Variants in SLC44A5 observed in about 807,000 individuals in gnomAD.
SLC44A5 encodes the protein choline transporter-like protein 5.
In SLC44A5, 57 loss-of-function variants were observed where a neutral mutation model predicts 101.8. The observed-to-expected ratio is 0.56, with a 90% CI of 0.45 to 0.70. The LOEUF is 0.70. Among genes scored for constraint, SLC44A5 ranks in the 30% least tolerant of loss-of-function variants. The pLI is 0.00. For missense variants in SLC44A5, 737 were observed against 853.1 expected (o/e 0.86, Z 1.70); for synonymous variants, 281 against 290.9 (o/e 0.97, Z 0.35).
At chr1:75,494,051 C>T (rs949044349) in intron 2 of SLC44A5, among the ~76,000 whole-genome samples, 2 of 152,190 alleles carry the variant, frequency 1.3e-5, no homozygotes, top group African/African-American at 4.8e-5. Flanking sequence ...CCAAAACTCA[C>T]ATTGAAATTA....
chr1:75,350,236 G>A (rs1376886876), intron 3 of SLC44A5, among the ~76,000 whole-genome samples: 2 of 151,752 alleles, frequency 1.3e-5, no homozygotes, highest in African/African-American at 4.9e-5. Flanking sequence ...CCTTTGCCGT[G>A]TGAGGACACA....
intron 3 of SLC44A5, among the ~76,000 whole-genome samples, chr1:75,355,920 A>G (rs1659030109): frequency 6.6e-6 from 1 of 152,062 alleles, no homozygotes; most frequent in Non-Finnish European, 1.5e-5. Context: ...TTCAAGAGGT[A>G]TTCTGGGCCT....
At chr1:75,338,945 C>T (rs1657657958) in intron 4 of SLC44A5, among the ~76,000 whole-genome samples, 1 of 152,064 alleles carries the variant, frequency 6.6e-6, no homozygotes, top group African/African-American at 2.4e-5. Context: ...CCTCACAATC[C>T]CCTTTGTTAT....
intron 2 of SLC44A5, among the ~76,000 whole-genome samples, chr1:75,427,223 C>A (rs1286279613): frequency 2.0e-5 from 3 of 152,188 alleles, no homozygotes; most frequent in Non-Finnish European, 4.4e-5. Context: ...TATTTCTCAT[C>A]ATTAAAAGTT....
chr1:75,302,080 C>T (rs1048655715), intron 4 of SLC44A5, among the ~76,000 whole-genome samples: 31 of 121,848 alleles, frequency 2.5e-4, no homozygotes, highest in African/African-American at 8.8e-4. Flanking sequence ...AGAATAATAA[C>T]AAGAGAAGAA....
chr1:75,692,062 T>C, the SLC44A5 span, among the ~76,000 whole-genome samples: 45 of 152,006 alleles, frequency 3.0e-4, 1 homozygote, highest in Non-Finnish European at 8.8e-5. Flanking sequence ...CAGTGTTGAA[T>C]GCCAGTGAAG....
At chr1:75,428,369 A>T (rs111700483) in intron 2 of SLC44A5, among the ~76,000 whole-genome samples, 1 of 152,210 alleles carries the variant, frequency 6.6e-6, no homozygotes, top group African/African-American at 2.4e-5. Context: ...CATCCTGCTT[A>T]CTGCCTCTGT....
chr1:75,666,116 C>T, the SLC44A5 span, among the ~76,000 whole-genome samples: 11 of 152,156 alleles, frequency 7.2e-5, no homozygotes, highest in Non-Finnish European at 1.5e-4. Flanking sequence ...AATCCCATTA[C>T]TTGGTATATA....
chr1:75,202,747 T>TAGA lies in SLC44A5; in HGVS notation c.*977_*979dup, dbSNP rs1646684283. On this transcript the variant is annotated 3_prime_UTR_variant, in exon 24 of 24. Transcript: ENST00000370859. ...GAGTAAAGTTTCCCTTTGCAATTCC[T>TAGA]AGAAGTTTCTCTTTCTGATCTTTGT... 1 of 152,172 alleles carries TAGA rather than the reference T, an allele frequency of 6.6e-6. No homozygotes were observed. Among genetic ancestry groups the TAGA allele is most frequent in the Admixed American group, 6.6e-5 (1 of 15,262 alleles). The allele number at this position is 152,172 out of a possible 1,614,324, so 9.4% of individuals were successfully genotyped here.
the SLC44A5 span, among the ~76,000 whole-genome samples, chr1:75,696,568 G>C: frequency 6.6e-6 from 1 of 152,162 alleles, no homozygotes; most frequent in Non-Finnish European, 1.5e-5. Flanking sequence ...AGTCAGCCAA[G>C]AGGTGGGAAA....
At chr1:75,678,080 G>A in the SLC44A5 span, among the ~76,000 whole-genome samples, 2 of 152,232 alleles carry the variant, frequency 1.3e-5, no homozygotes, top group African/African-American at 4.8e-5. Flanking sequence ...CGCACCACGA[G>A]ATTATATCCT....
chr1:75,347,941 G>A (rs370691116), intron 3 of SLC44A5, among the ~76,000 whole-genome samples: 2 of 152,098 alleles, frequency 1.3e-5, no homozygotes, highest in East Asian at 1.9e-4. Flanking sequence ...AAAACCTTGG[G>A]ATTATTTCTG....
chr1:75,553,883 C>CAGG (rs57453178), intron 1 of SLC44A5, among the ~76,000 whole-genome samples: 3,815 of 149,760 alleles, frequency 0.025, 130 homozygotes, highest in African/African-American at 0.08. Flanking sequence ...CCTTGTGGAG[C>CAGG]AGGAGGAGGA....
chr1:75,440,595 C>T (rs750992773), intron 2 of SLC44A5, among the ~76,000 whole-genome samples: 8 of 152,006 alleles, frequency 5.3e-5, no homozygotes, highest in Non-Finnish European at 1.2e-4. Context: ...TGATCAGAGC[C>T]ATCTCGTGAT....
At chr1:75,696,723 G>A in the SLC44A5 span, among the ~76,000 whole-genome samples, 95 of 150,012 alleles carry the variant, frequency 6.3e-4, no homozygotes, top group African/African-American at 2.2e-3. Context: ...GTGAAACCCC[G>A]TCTCTACTAA....
Position 75,339,578 on chromosome 1 carries a change from T to C in SLC44A5, c.101+4A>G. 1 of 1,600,894 alleles carries C rather than the reference T, an allele frequency of 6.2e-7. No homozygotes were observed. Among genetic ancestry groups the C allele is most frequent in the Non-Finnish European group, 8.5e-7 (1 of 1,173,458 alleles). The stretch of plus-strand genomic sequence containing the variant: ...AGCATATTCCCCAAAAAATAATTGC[T>C]TACCTGTTGGCAACAGGCCCCTTGA... On this transcript the variant is annotated splice_donor_region_variant and intron_variant, in intron 4 of 23. Coordinates refer to ENST00000370859, the MANE Select transcript of SLC44A5 (RefSeq NM_001130058.2).
chr1:75,226,433 G>A (rs1342791167), intron 13 of SLC44A5, among the ~76,000 whole-genome samples: 1 of 152,080 alleles, frequency 6.6e-6, no homozygotes, highest in East Asian at 1.9e-4. Context: ...ATCCCAGGAA[G>A]GTAGTGTCCT....
At chr1:75,212,150 A>T (rs1357617934) in intron 22 of SLC44A5, among the ~76,000 whole-genome samples, 1 of 151,952 alleles carries the variant, frequency 6.6e-6, no homozygotes, top group South Asian at 2.1e-4. Flanking sequence ...CAGTGTTTTT[A>T]TTTCTGAAAT....
At chr1:75,662,227 T>C in the SLC44A5 span, among the ~76,000 whole-genome samples, 1 of 152,118 alleles carries the variant, frequency 6.6e-6, no homozygotes. Flanking sequence ...GGGGACATTA[T>C]GTTAAGTGAA....
Sources: allele counts gnomAD v4.1 joint callset (sites outside exome capture counted in the v4.1 genomes callset), GRCh38; gene constraint gnomAD v4.1.1; transcripts MANE v1.5; gene names NCBI Gene and HGNC (gene_info 2026-07-23, HGNC 2026-07-21).